PIK3R3: variants seen among roughly 807,000 people sequenced by gnomAD.
PIK3R3 encodes phosphoinositide-3-kinase regulatory subunit 3.
Under a neutral mutation model 62.9 loss-of-function variants are expected in PIK3R3, and 64 were observed. That is an observed-to-expected ratio of 1.02 (90% CI 0.83 to 1.25). The LOEUF is 1.25. Ranked by LOEUF, PIK3R3 falls within the 50% of genes most tolerant of loss-of-function variation. The probability of loss-of-function intolerance (pLI) is 0.00; values close to 1 mark genes in which losing one functional copy is unlikely to be tolerated. For missense variants in PIK3R3, 614 were observed against 561.6 expected (o/e 1.09, Z -0.94); for synonymous variants, 165 against 189.0 (o/e 0.87, Z 1.04).
rs1349710966 is a variant in PIK3R3 at position 46,055,888 on chromosome 1, T to C, written c.848A>G (p.Asn283Ser). Residue 283 changes from asparagine (N) to serine (S), a missense_variant, in exon 7 of 10, where the codon AAT becomes AGT. Coordinates refer to ENST00000262741, the MANE Select transcript of PIK3R3 (RefSeq NM_003629.4). ...TATTTCTCGGTTGTCCAAAGCTTGA[T>C]TCTTCAAATCCTGCTCTAGACGCAT... is the stretch of plus-strand genomic sequence containing the variant. ...SKMRLEQDLK[N>S]QALDNREIDK... 9 of 1,610,876 alleles carry C rather than the reference T, an allele frequency of 5.6e-6. No individual in the cohort carries two copies. The highest frequency in any genetic ancestry group is 5.1e-6 in the Non-Finnish European group (6 of 1,177,886).
chr1:46,063,007 C>G (rs974017470), intron 5 of PIK3R3, among the ~76,000 whole-genome samples: 2 of 152,154 alleles, frequency 1.3e-5, no homozygotes, highest in African/African-American at 4.8e-5. Context: ...CAGAAATTAC[C>G]ATCTGGTGAT....
intron 1 of PIK3R3, among the ~76,000 whole-genome samples, chr1:46,115,794 G>A (rs1654133203): frequency 6.6e-6 from 1 of 152,302 alleles, no homozygotes; most frequent in South Asian, 2.1e-4. Flanking sequence ...AAACAAAAAT[G>A]TTGCTATATT....
the PIK3R3 span, among the ~76,000 whole-genome samples, chr1:46,152,560 CTT>C: frequency 1.4e-4 from 17 of 124,478 alleles, no homozygotes; most frequent in East Asian, 2.4e-4. Context: ...TGATTAACAT[CTT>C]TTTTTTTTTT....
Position 46,092,771 on chromosome 1 carries a change from C to G in PIK3R3, c.107-12021G>C, listed in dbSNP as rs753092071. On this transcript the variant is annotated intron_variant, in intron 1 of 9. Coordinates refer to ENST00000262741, the MANE Select transcript of PIK3R3 (RefSeq NM_003629.4). ...CTGTTCTTTCACCTCAGTAAGACCTCTAATTCCTCAAACTTAGTACTTTCT... is the reference window on the plus strand; with the variant it reads ...CTGTTCTTTCACCTCAGTAAGACCTGTAATTCCTCAAACTTAGTACTTTCT... Among the ~76,000 whole-genome samples the G allele has an allele frequency of 2.8e-4, 42 of 151,688 alleles. 1 individual carries two copies. In the Middle Eastern group the frequency reaches 0.034, roughly 123 times the overall value.
At chr1:46,080,207 G>A (rs745904574) in intron 2 of PIK3R3, among the ~76,000 whole-genome samples, 7 of 149,954 alleles carry the variant, frequency 4.7e-5, no homozygotes, top group East Asian at 4.1e-4. Context: ...GATTACAGGC[G>A]CATGCCAACA....
At chr1:46,124,329 A>T (rs552762188) in intron 1 of PIK3R3, among the ~76,000 whole-genome samples, 1 of 152,096 alleles carries the variant, frequency 6.6e-6, no homozygotes, top group Non-Finnish European at 1.5e-5. Flanking sequence ...AATCTATGTC[A>T]TCTATTTCCA....
intron 1 of PIK3R3, among the ~76,000 whole-genome samples, chr1:46,128,385 C>T (rs933676334): frequency 1.3e-5 from 2 of 151,916 alleles, no homozygotes; most frequent in Admixed American, 6.6e-5. Context: ...TGCAGTGAGC[C>T]GAGATAGAGC....
At chr1:46,087,209 T>C (rs1047681289) in intron 1 of PIK3R3, among the ~76,000 whole-genome samples, 13 of 151,932 alleles carry the variant, frequency 8.6e-5, no homozygotes, top group African/African-American at 3.1e-4. Flanking sequence ...GGCACATGTA[T>C]ACATATGTAA....
chr1:46,132,772 G>A, upstream of PIK3R3: 1 of 1,273,814 alleles, frequency 7.9e-7, no homozygotes, highest in Non-Finnish European at 1.0e-6. Context: ...ACGCCGTCCC[G>A]CCTCGATGTA....
At chr1:46,100,002 G>T (rs558493883) in intron 1 of PIK3R3, among the ~76,000 whole-genome samples, 11 of 152,054 alleles carry the variant, frequency 7.2e-5, no homozygotes, top group African/African-American at 2.4e-4. Context: ...CCAATCTACT[G>T]TCTTATTATT....
Position 46,043,709 on chromosome 1 carries a change from G to A in PIK3R3, c.1350C>T (p.Tyr450=), listed in dbSNP as rs1314713170. The A allele has an allele frequency of 3.1e-6, 5 of 1,614,106 alleles. No homozygotes were observed. The highest frequency in any genetic ancestry group is 2.7e-5 in the African/African-American group (2 of 74,940). ...HNDSLNVRLA[Y]PVHAQMPSLC... is the part of the protein sequence containing the mutation. ...GCGAGGGCATCTGTGCATGAACAGG[G>A]TAGGCAAGCCTGACGTTGAGGGAGT... Residue 450 remains tyrosine (Y), a synonymous_variant, in exon 10 of 10, where the codon TAC becomes TAT. Transcript: ENST00000262741.
At chr1:46,073,625 T>C (rs1043823252) in intron 3 of PIK3R3, among the ~76,000 whole-genome samples, 2 of 151,998 alleles carry the variant, frequency 1.3e-5, no homozygotes, top group African/African-American at 4.8e-5. Context: ...ACCGTTGCCT[T>C]TCTTTTTTCT....
the PIK3R3 span, among the ~76,000 whole-genome samples, chr1:46,168,749 C>A: frequency 6.6e-6 from 1 of 152,206 alleles, no homozygotes; most frequent in Non-Finnish European, 1.5e-5. Flanking sequence ...GTCCCCCTGC[C>A]CCTGGCTCTG....
intron 1 of PIK3R3, among the ~76,000 whole-genome samples, chr1:46,131,554 T>G (rs1655586902): frequency 6.6e-6 from 1 of 152,066 alleles, no homozygotes; most frequent in Non-Finnish European, 1.5e-5. Flanking sequence ...AAGAAAAACC[T>G]GAACGACACG....
the PIK3R3 span, among the ~76,000 whole-genome samples, chr1:46,160,955 C>T: frequency 6.6e-6 from 1 of 152,190 alleles, no homozygotes; most frequent in East Asian, 1.9e-4. Flanking sequence ...ATGGCCAAAC[C>T]GCATCAATGT....
intron 1 of PIK3R3, among the ~76,000 whole-genome samples, chr1:46,093,552 A>C (rs1651835384): frequency 6.6e-6 from 1 of 152,166 alleles, no homozygotes; most frequent in Non-Finnish European, 1.5e-5. Flanking sequence ...TCTTTGCTAT[A>C]TAGTATTGAG....
chr1:46,127,334 C>T (rs567040359), intron 1 of PIK3R3, among the ~76,000 whole-genome samples: 15 of 101,784 alleles, frequency 1.5e-4, no homozygotes, highest in African/African-American at 5.6e-4. Context: ...AAAGGTGAGA[C>T]CCTGCCTCAA....
chr1:46,165,832 C>T, the PIK3R3 span, among the ~76,000 whole-genome samples: 1 of 115,386 alleles, frequency 8.7e-6, no homozygotes, highest in Non-Finnish European at 1.6e-5. Flanking sequence ...AGTGCAGTGG[C>T]GCGATCTCGG....
At position 46,046,573 on chromosome 1, in the gene PIK3R3, T is replaced by C. The variant is rs1344916332; in HGVS notation, c.994A>G (p.Ile332Val). The C allele has an allele frequency of 6.2e-7, 1 of 1,613,146 alleles. No homozygotes were observed. ...RQKRLNVWLG[I>V]KNEDADENYF... is the part of the protein sequence containing the mutation. ...TACTCATCAGCATCCTCATTCTTAA[T>C]TCCCAGCCAGACATTCAGGCGTTTC... Residue 332 changes from isoleucine to valine, a missense_variant, in exon 8 of 10, where the codon ATT (isoleucine) becomes GTT (valine). Physicochemically the swap from Ile to Val is conservative, Grantham distance 29. Transcript: ENST00000262741.
Sources: allele counts gnomAD v4.1 joint callset (sites outside exome capture counted in the v4.1 genomes callset), GRCh38; gene constraint gnomAD v4.1.1; transcripts MANE v1.5; gene names NCBI Gene and HGNC (gene_info 2026-07-23, HGNC 2026-07-21).